Variants in VOPP1 observed in about 807,000 individuals in gnomAD.
The protein encoded by VOPP1 is VOPP1 WW domain binding protein.
A neutral mutation model predicts 23.5 loss-of-function variants in VOPP1; 8 were observed. The ratio of observed to expected loss-of-function variants is 0.34; its 90% CI spans 0.20 to 0.61. The LOEUF is 0.61. Ranked by LOEUF, VOPP1 falls within the 20% of genes least tolerant of loss-of-function variation. VOPP1 has a pLI of 0.78. For synonymous variants in VOPP1, 83 were observed against 97.3 expected, an observed-to-expected ratio of 0.85 and a Z score of 0.86; for missense variants, 174 against 238.1, an observed-to-expected ratio of 0.73 and a Z score of 1.77.
intron 1 of VOPP1, chr7:55,537,675 G>A (rs1395570077): frequency 6.8e-7 from 1 of 1,479,192 alleles, no homozygotes; most frequent in Non-Finnish European, 9.0e-7. Context: ...ATCCTCCTCT[G>A]TTGAGTGGTG....
At position 55,523,391 on chromosome 7, in the gene VOPP1, CA is replaced by C. The variant is rs1026713617; in HGVS notation, c.55-2262del. Among the ~76,000 whole-genome samples the C allele has an allele frequency of 3.4e-3, 499 of 147,264 alleles. 1 individual carries two copies. Among genetic ancestry groups the C allele is most frequent in the Non-Finnish European group, 5.2e-3 (343 of 66,516 alleles). On this transcript the variant is annotated intron_variant, in intron 1 of 4. Coordinates refer to ENST00000285279, the MANE Select transcript of VOPP1 (RefSeq NM_030796.5). ...TTACATACCAATACATTTTTTTTTC[CA>C]AAAAAAAAATCACAGGAAGGACAGA...
intron 1 of VOPP1, among the ~76,000 whole-genome samples, chr7:55,556,918 C>T (rs1285764007): frequency 6.6e-6 from 1 of 152,074 alleles, no homozygotes; most frequent in East Asian, 1.9e-4. Context: ...TGTTAAATAT[C>T]CCCTCCCCAA....
intron 4 of VOPP1, among the ~76,000 whole-genome samples, chr7:55,481,907 C>T (rs566069318): frequency 6.6e-6 from 1 of 152,158 alleles, no homozygotes; most frequent in Non-Finnish European, 1.5e-5. Context: ...CTTCTACAAA[C>T]GTATTCGGAC....
intron 4 of VOPP1, among the ~76,000 whole-genome samples, chr7:55,474,599 C>T (rs1299502589): frequency 6.6e-6 from 1 of 152,238 alleles, no homozygotes; most frequent in Non-Finnish European, 1.5e-5. Flanking sequence ...CAGGGCAATA[C>T]AGGAGAACAG....
rs941261851 is a variant in VOPP1 at position 55,489,352 on chromosome 7, C to T, written c.328+2930G>A. ...CTACATTTTGGTCAGAGAAGATGCG[C>T]TGGGACCAGCAGCCACTCGCTGTAG... On this transcript the variant is annotated intron_variant, in intron 4 of 4. Coordinates refer to ENST00000285279, the MANE Select transcript of VOPP1 (RefSeq NM_030796.5). 2.0e-5 allele frequency among the ~76,000 whole-genome samples: 3 copies of T among 152,184 alleles called. No homozygotes were observed. The South Asian group carries it at 6.2e-4, about 32-fold the overall frequency.
At chr7:55,486,981 G>A (rs1003037628) in intron 4 of VOPP1, among the ~76,000 whole-genome samples, 10 of 152,134 alleles carry the variant, frequency 6.6e-5, no homozygotes, top group African/African-American at 1.2e-4. Flanking sequence ...GCTGGAGACC[G>A]GGGAGAGGTG....
At position 55,572,253 on chromosome 7, in the gene VOPP1, C is replaced by T; in HGVS notation, c.54+18G>A. ...GTGGGCGCCGCGCCTCCGGCAGCAC[C>T]CGGTCCCCGGCCCCTACCTCCAAGA... On this transcript the variant is annotated intron_variant, in intron 1 of 4. Coordinates refer to ENST00000285279, the MANE Select transcript of VOPP1 (RefSeq NM_030796.5). 2 of 1,518,148 alleles carry T rather than the reference C, an allele frequency of 1.3e-6. No individual in the cohort carries two copies. The highest frequency in any genetic ancestry group is 1.8e-6 in the Non-Finnish European group (2 of 1,142,348). The allele number at this position is 1,518,148 out of a possible 1,614,324, so 94.0% of individuals were successfully genotyped here.
chr7:55,559,004 T>A (rs918959550), intron 1 of VOPP1, among the ~76,000 whole-genome samples: 2 of 152,214 alleles, frequency 1.3e-5, no homozygotes, highest in African/African-American at 4.8e-5. Flanking sequence ...CTAATTATAT[T>A]AATTTTATTT....
intron 1 of VOPP1, among the ~76,000 whole-genome samples, chr7:55,570,939 C>A (rs1312562212): frequency 6.6e-6 from 1 of 152,106 alleles, no homozygotes; most frequent in African/African-American, 2.4e-5. Flanking sequence ...GAGACTCCAT[C>A]TCAAAACTAA....
chr7:55,474,544 A>G (rs961480922), intron 4 of VOPP1, among the ~76,000 whole-genome samples: 24 of 152,192 alleles, frequency 1.6e-4, no homozygotes, highest in Non-Finnish European at 2.5e-4. Context: ...AGGGCTGAGA[A>G]GAAAAGGCCC....
intron 4 of VOPP1, among the ~76,000 whole-genome samples, chr7:55,438,860 C>T (rs1012752360): frequency 1.3e-5 from 2 of 152,142 alleles, no homozygotes; most frequent in African/African-American, 2.4e-5. Flanking sequence ...AGGTGGTGAG[C>T]GCAGTCAGAA....
At chr7:55,518,390 C>T (rs1270808671) in intron 2 of VOPP1, among the ~76,000 whole-genome samples, 1 of 152,254 alleles carries the variant, frequency 6.6e-6, no homozygotes, top group Non-Finnish European at 1.5e-5. Context: ...TCTGCACGAA[C>T]ATGATTGCAA....
chr7:55,477,359 G>C (rs1159245425), intron 4 of VOPP1, among the ~76,000 whole-genome samples: 7 of 152,258 alleles, frequency 4.6e-5, no homozygotes, highest in Admixed American at 4.6e-4. Flanking sequence ...TGACTGAAGG[G>C]GGGACGAGTG....
chr7:55,484,824 T>C (rs1053996943), intron 4 of VOPP1, among the ~76,000 whole-genome samples: 2 of 152,196 alleles, frequency 1.3e-5, no homozygotes, highest in African/African-American at 4.8e-5. Flanking sequence ...CACCGACTTC[T>C]GGCCTCTAGA....
intron 2 of VOPP1, among the ~76,000 whole-genome samples, chr7:55,498,933 C>G (rs1794172243): frequency 1.3e-5 from 2 of 152,062 alleles, no homozygotes; most frequent in Non-Finnish European, 1.5e-5. Context: ...CACCCCGCAC[C>G]CAACGGCAGC....
intron 4 of VOPP1, among the ~76,000 whole-genome samples, chr7:55,447,797 T>C (rs773597004): frequency 1.3e-5 from 2 of 152,202 alleles, no homozygotes; most frequent in Non-Finnish European, 2.9e-5. Flanking sequence ...CCTGCCAGCC[T>C]TGGTTTTGCC....
chr7:55,521,696 C>T, intron 1 of VOPP1: 1 of 987,068 alleles, frequency 1.0e-6, no homozygotes, highest in Non-Finnish European at 1.2e-6. Flanking sequence ...GTAAGTCCAG[C>T]TCCTAACATC....
intron 4 of VOPP1, among the ~76,000 whole-genome samples, chr7:55,482,020 C>T (rs915186712): frequency 2.6e-5 from 4 of 152,200 alleles, no homozygotes; most frequent in African/African-American, 9.7e-5. Flanking sequence ...CAGTTTCCAT[C>T]ACTCTGTCAT....
At position 55,511,649 on chromosome 7, in the gene VOPP1, C is replaced by G. The variant is rs576612606; in HGVS notation, c.113+9423G>C. Among the ~76,000 whole-genome samples, 10 of 152,350 alleles carry G rather than the reference C, an allele frequency of 6.6e-5. No individual in the cohort carries two copies. In the South Asian group the frequency reaches 1.4e-3, roughly 22 times the overall value. ...GATAGATGCATATTCTGATTGCCTC[C>G]TTTGGAAAGGCTTATCAGAAACTCA... On this transcript the variant is annotated intron_variant, in intron 2 of 4. Coordinates refer to ENST00000285279, the MANE Select transcript of VOPP1 (RefSeq NM_030796.5).
Sources: gnomAD v4.1 joint callset for allele counts (sites outside exome capture counted in the v4.1 genomes callset) on GRCh38, gnomAD v4.1.1 for gene constraint, MANE v1.5 for transcripts, NCBI Gene and HGNC (gene_info 2026-07-23, HGNC 2026-07-21) for gene names.